The following PALS2 variants were observed in gnomAD, a reference collection of about 807,000 sequenced individuals.
PALS2 encodes the protein protein associated with LIN7 2, MAGUK p55 family member.
A neutral mutation model predicts 61.6 loss-of-function variants in PALS2; 27 were observed. That is an observed-to-expected ratio of 0.44 (90% CI 0.32 to 0.60). PALS2 has a LOEUF of 0.60. PALS2 is among the 20% of genes least tolerant of loss of function. PALS2 has a pLI of 0.05. For synonymous variants in PALS2, 236 were observed against 218.6 expected (o/e 1.08, Z -0.70); for missense variants, 554 against 639.4 (o/e 0.87, Z 1.44).
At chr7:24,592,556 T>G (rs1414829606) in intron 1 of PALS2, among the ~76,000 whole-genome samples, 1 of 152,054 alleles carries the variant, frequency 6.6e-6, no homozygotes, top group Non-Finnish European at 1.5e-5. Flanking sequence ...AAGCTCACAC[T>G]GCTTTGGTAT....
chr7:24,623,942 A>C, intron 2 of PALS2, 158 bp downstream of exon 2: 1 of 1,006,908 alleles, frequency 9.9e-7, no homozygotes, highest in Non-Finnish European at 1.5e-6. Context: ...CATATGCAAA[A>C]ATTAGACCAT....
In PALS2 at chr7:24,623,500, C is replaced by A. The variant is rs543110976; in HGVS notation, c.-2-166C>A. Reference sequence around the variant, plus strand: ...TAATTCCTGGGAAGTCAATTTGAAACTCATACTGTTTAACAATTTCATTTT... The same window carrying A: ...TAATTCCTGGGAAGTCAATTTGAAAATCATACTGTTTAACAATTTCATTTT... On this transcript the variant is annotated intron_variant, in intron 1 of 11. Coordinates refer to ENST00000222644, the MANE Select transcript of PALS2 (RefSeq NM_001303037.2). Among the ~76,000 whole-genome samples the A allele has an allele frequency of 2.0e-5, 3 of 152,142 alleles. No homozygotes were observed. The East Asian group carries it at 5.8e-4, about 29-fold the overall frequency.
intron 3 of PALS2, among the ~76,000 whole-genome samples, chr7:24,648,853 C>T (rs1167687287): frequency 1.4e-5 from 2 of 146,588 alleles, no homozygotes; most frequent in Non-Finnish European, 3.0e-5. Flanking sequence ...TGCAGTGAGC[C>T]GAGATCACAC....
At chr7:24,605,422 A>T (rs1223526809) in intron 1 of PALS2, among the ~76,000 whole-genome samples, 1 of 152,172 alleles carries the variant, frequency 6.6e-6, no homozygotes, top group Non-Finnish European at 1.5e-5. Flanking sequence ...TCTCCAAAAT[A>T]CATTTTTCTG....
rs373320806 is a variant in PALS2 at position 24,684,998 on chromosome 7, G to A, written c.1447-2440G>A. Reference sequence around the variant, plus strand: ...CCGGGGTGCATGTACAGGATGTGCGGGTTTGTTACATAGGTGAATGTGTGC... The same window carrying A: ...CCGGGGTGCATGTACAGGATGTGCGAGTTTGTTACATAGGTGAATGTGTGC... On this transcript the variant is annotated intron_variant, in intron 11 of 11. Coordinates refer to ENST00000222644, the MANE Select transcript of PALS2 (RefSeq NM_001303037.2). 3.3e-5 allele frequency among the ~76,000 whole-genome samples: 5 copies of A among 151,808 alleles called. 1 individual carries two copies. The East Asian group carries it at 5.8e-4, about 18-fold the overall frequency.
Position 24,668,584 on chromosome 7 carries a change from T to C in PALS2, c.1038T>C (p.Ala346=). 1 of 1,613,888 alleles carries C rather than the reference T, an allele frequency of 6.2e-7. No individual in the cohort carries two copies. The change falls in exon 9 of 12, where the codon GCT becomes GCC. Residue 346 remains alanine, a synonymous_variant. Coordinates refer to ENST00000222644, the MANE Select transcript of PALS2 (RefSeq NM_001303037.2). ...GAAAAACATTAGTATTGATAGGAGC[T>C]CAAGGTGTAGGCCGAAGAAGCTTGA... ...FQRKTLVLIG[A]QGVGRRSLKN...
intron 1 of PALS2, among the ~76,000 whole-genome samples, chr7:24,606,065 A>G (rs752597667): frequency 9.2e-5 from 14 of 152,150 alleles, no homozygotes; most frequent in East Asian, 1.9e-4. Flanking sequence ...GCTTTTTATC[A>G]TGGATTTCTT....
At chr7:24,613,819 A>G (rs1440723926) in intron 1 of PALS2, among the ~76,000 whole-genome samples, 1 of 151,784 alleles carries the variant, frequency 6.6e-6, no homozygotes, top group East Asian at 1.9e-4. Context: ...TTTAGCTTCC[A>G]TGTAAGAGTG....
At chr7:24,642,819 T>G (rs1304149103) in intron 3 of PALS2, among the ~76,000 whole-genome samples, 1 of 152,104 alleles carries the variant, frequency 6.6e-6, no homozygotes, top group Non-Finnish European at 1.5e-5. Context: ...CAGGTCCCAG[T>G]TGATTGAGTC....
chr7:24,629,090 A>G (rs762818569), intron 2 of PALS2, among the ~76,000 whole-genome samples: 12 of 152,206 alleles, frequency 7.9e-5, no homozygotes, highest in Admixed American at 2.0e-4. Context: ...ACTTCAAACT[A>G]TACTACAAGG....
intron 3 of PALS2, among the ~76,000 whole-genome samples, chr7:24,648,792 C>T (rs952453394): frequency 2.0e-5 from 3 of 151,288 alleles, no homozygotes; most frequent in African/African-American, 7.3e-5. Flanking sequence ...GTAGTCCCAG[C>T]TACTTGGGAG....
Position 24,608,039 on chromosome 7 carries a change from G to T in PALS2, c.-2-15627G>T, listed in dbSNP as rs573246520. Among the ~76,000 whole-genome samples, 103 of 152,140 alleles carry T rather than the reference G, an allele frequency of 6.8e-4. No homozygotes were observed. The South Asian group carries it at 0.02, about 30-fold the overall frequency. ...AGACTACATCTTTTACCACATACAT[G>T]TGTGTTTATATACACATACATACAC... On this transcript the variant is annotated intron_variant, in intron 1 of 11. Coordinates refer to ENST00000222644, the MANE Select transcript of PALS2 (RefSeq NM_001303037.2).
intron 1 of PALS2, among the ~76,000 whole-genome samples, chr7:24,580,115 T>A (rs540502158): frequency 6.6e-6 from 1 of 152,264 alleles, no homozygotes; most frequent in Admixed American, 6.5e-5. Context: ...GAGGGGTACA[T>A]GTTGGGAGAA....
chr7:24,670,898 G>T (rs1394140832), intron 9 of PALS2, among the ~76,000 whole-genome samples: 1 of 152,002 alleles, frequency 6.6e-6, no homozygotes, highest in East Asian at 1.9e-4. Context: ...TTATTATATG[G>T]CTATACCACA....
chr7:24,673,048 A>T (rs1197710368), intron 9 of PALS2, among the ~76,000 whole-genome samples: 1 of 152,148 alleles, frequency 6.6e-6, no homozygotes, highest in Non-Finnish European at 1.5e-5. Context: ...TTTTTCATAG[A>T]TGCCTTTCAT....
At chr7:24,656,059 C>G (rs771760684) in intron 5 of PALS2, among the ~76,000 whole-genome samples, 6 of 152,198 alleles carry the variant, frequency 3.9e-5, no homozygotes, top group Non-Finnish European at 5.9e-5. Context: ...CCTTGATCAT[C>G]TCAGCTAGTG....
At chr7:24,602,143 C>T (rs75700507) in intron 1 of PALS2, among the ~76,000 whole-genome samples, 2,446 of 152,088 alleles carry the variant, frequency 0.016, 78 homozygotes, top group African/African-American at 0.056. Context: ...ATTTACCTTC[C>T]ATGATTTCCA....
At chr7:24,663,530 T>A in intron 5 of PALS2, 60 bp from the exon 6 acceptor site, 2 of 1,450,378 alleles carry the variant, frequency 1.4e-6, no homozygotes, top group Non-Finnish European at 1.9e-6. Context: ...GACAAGGATT[T>A]TTTAAATTCA....
At chr7:24,678,814 A>G (rs1324120573) in intron 9 of PALS2, among the ~76,000 whole-genome samples, 3 of 152,200 alleles carry the variant, frequency 2.0e-5, no homozygotes, top group Non-Finnish European at 1.5e-5. Flanking sequence ...ACCTCTTAAA[A>G]TATTCCCCTA....
Sources: gnomAD v4.1 joint callset for allele counts (sites outside exome capture counted in the v4.1 genomes callset) on GRCh38, gnomAD v4.1.1 for gene constraint, MANE v1.5 for transcripts, NCBI Gene and HGNC (gene_info 2026-07-23, HGNC 2026-07-21) for gene names.